Variants in FAM168A observed in about 807,000 individuals in gnomAD.
The protein encoded by FAM168A is family with sequence similarity 168 member A, also known as protein FAM168A.
Under a neutral mutation model 28.5 loss-of-function variants are expected in FAM168A, and 3 were observed. The observed-to-expected ratio is 0.11, with a 90% confidence interval of 0.05 to 0.27. The LOEUF is 0.27. Ranked by LOEUF, FAM168A falls within the 10% of genes least tolerant of loss-of-function variation. The pLI, the probability that FAM168A is intolerant of heterozygous loss-of-function variation, is 1.00. For synonymous variants in FAM168A, 122 were observed against 124.2 expected (o/e 0.98, Z 0.12); for missense variants, 222 against 311.5 (o/e 0.71, Z 2.16).
intron 1 of FAM168A, among the ~76,000 whole-genome samples, chr11:73,483,071 T>C (rs1867989446): frequency 6.6e-6 from 1 of 152,204 alleles, no homozygotes; most frequent in African/African-American, 2.4e-5. Flanking sequence ...CTGTGAGGCC[T>C]TGGATAACTT....
chr11:73,462,544 T>G (rs1395546432), intron 2 of FAM168A, among the ~76,000 whole-genome samples: 1 of 152,122 alleles, frequency 6.6e-6, no homozygotes, highest in Non-Finnish European at 1.5e-5. Context: ...TGCAAAACAA[T>G]ATGAATGTAC....
rs1943602754 is a variant in FAM168A at position 73,537,937 on chromosome 11, G to C, written c.-19+59986C>G. Among the ~76,000 whole-genome samples the C allele has an allele frequency of 2.0e-5, 3 of 152,146 alleles. No individual in the cohort carries two copies. In the South Asian group the frequency reaches 6.2e-4, roughly 32 times the overall value. On this transcript the variant is annotated intron_variant, in intron 1 of 7. Coordinates refer to ENST00000356467, the MANE Select transcript of FAM168A (RefSeq NM_015159.3). ...CTTCCCCATGTATACTCCTTAAGGA[G>C]ATAGGAAGAAAAATAGAAGGGAATA... is the stretch of plus-strand genomic sequence containing the variant.
intron 1 of FAM168A, among the ~76,000 whole-genome samples, chr11:73,547,301 C>T (rs1943771263): frequency 6.6e-6 from 1 of 151,678 alleles, no homozygotes; most frequent in Non-Finnish European, 1.5e-5. Flanking sequence ...AATATCACCT[C>T]ATATCCATTA....
chr11:73,536,123 G>C (rs1355595889), intron 1 of FAM168A, among the ~76,000 whole-genome samples: 1 of 152,132 alleles, frequency 6.6e-6, no homozygotes, highest in African/African-American at 2.4e-5. Flanking sequence ...TAGGATTACA[G>C]GTGTGAGCCA....
intron 1 of FAM168A, among the ~76,000 whole-genome samples, chr11:73,536,962 A>AT (rs987948996): frequency 6.6e-6 from 1 of 152,232 alleles, no homozygotes; most frequent in African/African-American, 2.4e-5. Flanking sequence ...TTTACTAATC[A>AT]TTGATGCTAC....
chr11:73,554,434 A>G (rs1297419598), intron 1 of FAM168A, among the ~76,000 whole-genome samples: 2 of 152,284 alleles, frequency 1.3e-5, no homozygotes, highest in South Asian at 2.1e-4. Flanking sequence ...AAGACTACCT[A>G]TAGTATGATC....
At chr11:73,446,040 AT>A (rs951129146) in intron 2 of FAM168A, among the ~76,000 whole-genome samples, 2 of 152,080 alleles carry the variant, frequency 1.3e-5, no homozygotes, top group Non-Finnish European at 2.9e-5. Context: ...GAGCTATTTT[AT>A]TTTTTCCTTT....
At chr11:73,418,768 G>T (rs1866737802) in intron 4 of FAM168A, among the ~76,000 whole-genome samples, 1 of 150,778 alleles carries the variant, frequency 6.6e-6, no homozygotes, top group African/African-American at 2.4e-5. Context: ...AAGACACAAA[G>T]TTCTTCCTTA....
chr11:73,443,489 G>A (rs948689171), intron 2 of FAM168A, among the ~76,000 whole-genome samples: 4 of 152,282 alleles, frequency 2.6e-5, no homozygotes, highest in African/African-American at 4.8e-5. Flanking sequence ...GAAGAAAGAC[G>A]AAAAGACTTT....
At chr11:73,534,252 C>T (rs1461105477) in intron 1 of FAM168A, among the ~76,000 whole-genome samples, 1 of 152,114 alleles carries the variant, frequency 6.6e-6, no homozygotes, top group African/African-American at 2.4e-5. Flanking sequence ...GATGGATGAG[C>T]AGAAACTGAC....
intron 1 of FAM168A, among the ~76,000 whole-genome samples, chr11:73,495,337 A>T (rs750176929): frequency 3.3e-5 from 5 of 152,170 alleles, no homozygotes; most frequent in African/African-American, 1.2e-4. Context: ...TCAAAATTAA[A>T]TAAATAAATA....
intron 1 of FAM168A, among the ~76,000 whole-genome samples, chr11:73,469,494 G>A (rs2134577830): frequency 6.6e-6 from 1 of 152,320 alleles, no homozygotes; most frequent in Middle Eastern, 3.4e-3. Flanking sequence ...CTGGCATGAT[G>A]ACAACTGCTC....
At chr11:73,529,796 C>CTTTTTTT (rs772530179) in intron 1 of FAM168A, among the ~76,000 whole-genome samples, 9 of 127,514 alleles carry the variant, frequency 7.1e-5, no homozygotes, top group African/African-American at 2.7e-4. Flanking sequence ...ACTTTTTCTT[C>CTTTTTTT]TTTTTTTTTT....
At chr11:73,590,468 C>T (rs945061143) in intron 1 of FAM168A, among the ~76,000 whole-genome samples, 1 of 152,114 alleles carries the variant, frequency 6.6e-6, no homozygotes, top group African/African-American at 2.4e-5. Flanking sequence ...CACACTACAC[C>T]TACATACAAG....
chr11:73,484,722 AGATATATATC>A (rs1200805588), intron 1 of FAM168A, among the ~76,000 whole-genome samples: 16 of 144,746 alleles, frequency 1.1e-4, no homozygotes, highest in African/African-American at 3.5e-4. Flanking sequence ...ATATATATAT[AGATATATATC>A]GATATATAGA....
chr11:73,571,371 G>A (rs954353907), intron 1 of FAM168A, among the ~76,000 whole-genome samples: 4 of 150,982 alleles, frequency 2.6e-5, no homozygotes, highest in South Asian at 2.1e-4. Flanking sequence ...TCAGCCTGCC[G>A]AGTGCCTGCG....
intron 2 of FAM168A, among the ~76,000 whole-genome samples, chr11:73,450,397 C>A (rs1287180047): frequency 2.0e-5 from 3 of 152,204 alleles, no homozygotes; most frequent in Non-Finnish European, 4.4e-5. Context: ...CTGGGAACCA[C>A]CTCTAGGGTT....
At chr11:73,480,144 A>C (rs565579036) in intron 1 of FAM168A, among the ~76,000 whole-genome samples, 1 of 152,306 alleles carries the variant, frequency 6.6e-6, no homozygotes, top group Admixed American at 6.5e-5. Context: ...GATTTCTAGG[A>C]ATCTGCCAGA....
chr11:73,455,182 C>T (rs886417690), intron 2 of FAM168A, among the ~76,000 whole-genome samples: 1 of 152,236 alleles, frequency 6.6e-6, no homozygotes, highest in Non-Finnish European at 1.5e-5. Flanking sequence ...GATGCCAGAG[C>T]CCAAAAGTGG....
Sources: allele counts gnomAD v4.1 joint callset (sites outside exome capture counted in the v4.1 genomes callset), GRCh38; gene constraint gnomAD v4.1.1; transcripts MANE v1.5; gene names NCBI Gene and HGNC (gene_info 2026-07-23, HGNC 2026-07-21).